PAK5: variants seen among roughly 807,000 people sequenced by gnomAD.
The protein encoded by PAK5 is p21 (RAC1) activated kinase 5.
Under a neutral mutation model 65.9 loss-of-function variants are expected in PAK5, and 16 were observed. The observed-to-expected ratio is 0.24, with a 90% CI of 0.16 to 0.37. The LOEUF is 0.37. Among genes scored for constraint, PAK5 ranks in the 10% least tolerant of loss-of-function variants. PAK5 has a pLI of 1.00. For missense variants in PAK5, 785 were observed against 903.9 expected (o/e 0.87, Z 1.69); for synonymous variants, 371 against 354.9 (o/e 1.05, Z -0.51).
intron 1 of PAK5, among the ~76,000 whole-genome samples, chr20:9,756,572 C>T (rs1034048628): frequency 6.6e-6 from 1 of 152,080 alleles, no homozygotes; most frequent in African/African-American, 2.4e-5. Context: ...TCTCAAAGTT[C>T]TGGGACAAAA....
intron 1 of PAK5, among the ~76,000 whole-genome samples, chr20:9,809,114 C>T (rs983856817): frequency 6.6e-6 from 1 of 151,896 alleles, no homozygotes; most frequent in African/African-American, 2.4e-5. Context: ...GTGCCCTTGC[C>T]AGTGTGGGAA....
At chr20:9,732,797 G>A (rs1437589459) in intron 1 of PAK5, among the ~76,000 whole-genome samples, 1 of 152,146 alleles carries the variant, frequency 6.6e-6, no homozygotes, top group African/African-American at 2.4e-5. Flanking sequence ...CCCCAAAATA[G>A]TAAGACCTCT....
chr20:9,734,617 AC>A (rs1221303398), intron 1 of PAK5, among the ~76,000 whole-genome samples: 1 of 151,938 alleles, frequency 6.6e-6, no homozygotes, highest in Non-Finnish European at 1.5e-5. Context: ...AAACCCCAGG[AC>A]CTGCTAATAA....
chr20:9,680,330 C>T (rs1415010447), intron 2 of PAK5, among the ~76,000 whole-genome samples: 1 of 152,162 alleles, frequency 6.6e-6, no homozygotes, highest in Non-Finnish European at 1.5e-5. Context: ...GATCCTTAAA[C>T]AAGAGTTTGA....
chr20:9,693,289 C>T (rs1410678631), intron 2 of PAK5, among the ~76,000 whole-genome samples: 1 of 152,128 alleles, frequency 6.6e-6, no homozygotes, highest in African/African-American at 2.4e-5. Flanking sequence ...CCTCTTAACA[C>T]AGATGGCAAG....
At chr20:9,711,909 T>C (rs1305249266) in intron 1 of PAK5, among the ~76,000 whole-genome samples, 1 of 152,212 alleles carries the variant, frequency 6.6e-6, no homozygotes, top group Non-Finnish European at 1.5e-5. Flanking sequence ...GAGGGTTAGG[T>C]TTCCACAACT....
intron 1 of PAK5, among the ~76,000 whole-genome samples, chr20:9,772,273 G>A (rs918808909): frequency 6.6e-6 from 1 of 152,186 alleles, no homozygotes; most frequent in Non-Finnish European, 1.5e-5. Context: ...AAAATAAGAT[G>A]AGCTGGGGGA....
At chr20:9,582,342 GT>G (rs2045993848) in intron 3 of PAK5, among the ~76,000 whole-genome samples, 1 of 152,156 alleles carries the variant, frequency 6.6e-6, no homozygotes, top group African/African-American at 2.4e-5. Context: ...GACCTTGACA[GT>G]TTTGAGGAGT....
intron 2 of PAK5, among the ~76,000 whole-genome samples, chr20:9,683,420 T>C (rs2047676414): frequency 6.6e-6 from 1 of 152,242 alleles, no homozygotes; most frequent in African/African-American, 2.4e-5. Context: ...TTTCCATTAA[T>C]ATAGGACCAG....
At chr20:9,703,118 T>C (rs1569048760) in intron 2 of PAK5, among the ~76,000 whole-genome samples, 1 of 152,180 alleles carries the variant, frequency 6.6e-6, no homozygotes, top group South Asian at 2.1e-4. Flanking sequence ...TTATTGAGAC[T>C]GTCAAAGAAC....
intron 2 of PAK5, among the ~76,000 whole-genome samples, chr20:9,693,418 A>T (rs1600250455): frequency 6.6e-6 from 1 of 151,162 alleles, no homozygotes; most frequent in African/African-American, 2.4e-5. Context: ...CTCTCTCTTC[A>T]TCTCTCGTTT....
chr20:9,596,359 A>G (rs1260478241), intron 3 of PAK5, among the ~76,000 whole-genome samples: 2 of 152,264 alleles, frequency 1.3e-5, no homozygotes, highest in East Asian at 1.9e-4. Context: ...TACAGAGGCC[A>G]GGCACGGAGG....
At chr20:9,801,461 A>T (rs1332748032) in intron 1 of PAK5, among the ~76,000 whole-genome samples, 4 of 151,148 alleles carry the variant, frequency 2.6e-5, no homozygotes, top group African/African-American at 4.8e-5. Flanking sequence ...TTCTTATGGA[A>T]CTGTGAGACT....
intron 4 of PAK5, among the ~76,000 whole-genome samples, chr20:9,571,176 T>G (rs1365723267): frequency 6.6e-6 from 1 of 152,206 alleles, no homozygotes; most frequent in South Asian, 2.1e-4. Context: ...TGAGGGGACA[T>G]GTAGTCTTCC....
chr20:9,552,424 C>T (rs1217100749), intron 7 of PAK5, among the ~76,000 whole-genome samples: 1 of 152,186 alleles, frequency 6.6e-6, no homozygotes, highest in African/African-American at 2.4e-5. Context: ...TAGCATCTAC[C>T]TTGTCCCTGG....
At chr20:9,607,171 G>A (rs1013109180) in intron 3 of PAK5, among the ~76,000 whole-genome samples, 1 of 152,074 alleles carries the variant, frequency 6.6e-6, no homozygotes, top group African/African-American at 2.4e-5. Flanking sequence ...AGTGAGCGCC[G>A]CCAGCCATGA....
chr20:9,660,443 G>T (rs1454098019), intron 2 of PAK5, among the ~76,000 whole-genome samples: 1 of 151,782 alleles, frequency 6.6e-6, no homozygotes, highest in African/African-American at 2.4e-5. Flanking sequence ...AGACGCAATA[G>T]GGAGGCAGAC....
intron 7 of PAK5, among the ~76,000 whole-genome samples, chr20:9,550,910 T>C (rs1019460230): frequency 6.6e-6 from 1 of 152,064 alleles, no homozygotes; most frequent in Non-Finnish European, 1.5e-5. Context: ...CTATTGGCAG[T>C]TTTAAATTTC....
At chr20:9,601,589 TC>T (rs1346781163) in intron 3 of PAK5, among the ~76,000 whole-genome samples, 21 of 152,280 alleles carry the variant, frequency 1.4e-4, no homozygotes, top group African/African-American at 4.8e-4. Context: ...CTTCCCTCCT[TC>T]CCTGTGATGA....
Sources: allele counts gnomAD v4.1 joint callset (sites outside exome capture counted in the v4.1 genomes callset), GRCh38; gene constraint gnomAD v4.1.1; transcripts MANE v1.5; gene names NCBI Gene and HGNC (gene_info 2026-07-23, HGNC 2026-07-21).